Variants in PTPRD observed in about 807,000 individuals in gnomAD.
PTPRD encodes receptor-type tyrosine-protein phosphatase delta.
A neutral mutation model predicts 214.5 loss-of-function variants in PTPRD; 34 were observed. That is an observed-to-expected ratio of 0.16 (90% CI 0.12 to 0.21). The LOEUF (loss-of-function observed/expected upper bound fraction) is 0.21. Ranked by LOEUF, PTPRD falls within the 10% of genes least tolerant of loss-of-function variation. The pLI, the probability that PTPRD is intolerant of heterozygous loss-of-function variation, is 1.00. For missense variants in PTPRD, 2,545 were observed against 2,398.7 expected (o/e 1.06, Z -1.27); for synonymous variants, 1,128 against 845.7 (o/e 1.33, Z -5.79).
At chr9:8,566,254 G>A (rs747483942) in intron 14 of PTPRD, among the ~76,000 whole-genome samples, 8 of 151,882 alleles carry the variant, frequency 5.3e-5, no homozygotes, top group Admixed American at 4.6e-4. Context: ...TTGCTCTAGG[G>A]TTAGGTGTAT....
chr9:8,970,595 G>C (rs1327792789), intron 11 of PTPRD, among the ~76,000 whole-genome samples: 4 of 151,552 alleles, frequency 2.6e-5, no homozygotes, highest in Admixed American at 2.6e-4. Context: ...AAAAGACATA[G>C]AAGTGGAGAA....
chr9:9,030,162 T>G (rs1375245128), intron 10 of PTPRD, among the ~76,000 whole-genome samples: 1 of 151,800 alleles, frequency 6.6e-6, no homozygotes, highest in Non-Finnish European at 1.5e-5. Flanking sequence ...ATTTTATTAT[T>G]TAGCATCAAT....
intron 11 of PTPRD, among the ~76,000 whole-genome samples, chr9:8,886,103 A>T (rs1362306671): frequency 1.6e-4 from 24 of 152,204 alleles, no homozygotes; most frequent in Non-Finnish European, 8.8e-5. Context: ...TGTCTACAAG[A>T]CACCAACATC....
intron 2 of PTPRD, among the ~76,000 whole-genome samples, chr9:10,565,535 T>C (rs934533115): frequency 2.0e-5 from 3 of 152,106 alleles, no homozygotes; most frequent in African/African-American, 7.2e-5. Context: ...TAGGAGATTG[T>C]GTTTATAGTA....
At chr9:9,583,576 T>C (rs189078521) in intron 7 of PTPRD, among the ~76,000 whole-genome samples, 2 of 152,172 alleles carry the variant, frequency 1.3e-5, no homozygotes, top group East Asian at 3.9e-4. Context: ...TATAGATAAC[T>C]ACGCATTTAA....
At chr9:9,678,838 G>T (rs904890443) in intron 7 of PTPRD, among the ~76,000 whole-genome samples, 1 of 151,900 alleles carries the variant, frequency 6.6e-6, no homozygotes, top group Non-Finnish European at 1.5e-5. Flanking sequence ...ATTTTGTGAT[G>T]ATCAAGGGTA....
intron 12 of PTPRD, among the ~76,000 whole-genome samples, chr9:8,718,644 C>A (rs947634242): frequency 6.6e-6 from 1 of 151,982 alleles, no homozygotes; most frequent in Non-Finnish European, 1.5e-5. Context: ...CTAATTAGTC[C>A]GCCTTCTCTA....
intron 8 of PTPRD, among the ~76,000 whole-genome samples, chr9:9,411,256 TTG>T (rs1384715549): frequency 4.5e-5 from 3 of 66,578 alleles, no homozygotes; most frequent in African/African-American, 7.7e-5. Context: ...ATACATAGCA[TTG>T]TGTCTTTTTT....
intron 14 of PTPRD, among the ~76,000 whole-genome samples, chr9:8,591,595 A>G (rs187125654): frequency 5.5e-4 from 84 of 152,314 alleles, no homozygotes; most frequent in African/African-American, 1.8e-3. Context: ...GGAGGTGGAC[A>G]TTTTCCAAGT....
chr9:8,591,296 G>A (rs781574978), intron 14 of PTPRD, among the ~76,000 whole-genome samples: 3 of 152,006 alleles, frequency 2.0e-5, no homozygotes, highest in Non-Finnish European at 4.4e-5. Flanking sequence ...ATTTGGAGTG[G>A]GATGGTCAGG....
At chr9:8,989,816 C>T (rs2099359399) in intron 11 of PTPRD, among the ~76,000 whole-genome samples, 1 of 151,886 alleles carries the variant, frequency 6.6e-6, no homozygotes, top group Non-Finnish European at 1.5e-5. Flanking sequence ...AGGCACAGTG[C>T]CAGAAACCGT....
chr9:9,386,047 T>C (rs1345668540), intron 9 of PTPRD, among the ~76,000 whole-genome samples: 1 of 152,124 alleles, frequency 6.6e-6, no homozygotes, highest in East Asian at 1.9e-4. Flanking sequence ...AATACTTACC[T>C]AAGGGAAAAT....
intron 8 of PTPRD, among the ~76,000 whole-genome samples, chr9:9,559,738 T>C (rs1177405834): frequency 6.6e-6 from 1 of 152,172 alleles, no homozygotes; most frequent in Non-Finnish European, 1.5e-5. Context: ...GACAAGAAGT[T>C]CCAGTTCTGT....
intron 8 of PTPRD, among the ~76,000 whole-genome samples, chr9:9,551,695 T>C (rs2080292037): frequency 6.6e-6 from 1 of 152,018 alleles, no homozygotes; most frequent in African/African-American, 2.4e-5. Context: ...GGTGAATTAG[T>C]ACATGCCAGT....
intron 11 of PTPRD, among the ~76,000 whole-genome samples, chr9:8,825,087 G>C (rs2097149166): frequency 6.6e-6 from 1 of 152,242 alleles, no homozygotes; most frequent in East Asian, 1.9e-4. Context: ...CCTGCCATGA[G>C]TTTGTACCTT....
At chr9:9,562,817 T>C (rs1336890479) in intron 8 of PTPRD, among the ~76,000 whole-genome samples, 1 of 152,196 alleles carries the variant, frequency 6.6e-6, no homozygotes, top group Non-Finnish European at 1.5e-5. Context: ...CAACCTGTTC[T>C]ACTTTTTGTT....
intron 4 of PTPRD, among the ~76,000 whole-genome samples, chr9:9,992,634 G>C (rs998094804): frequency 1.3e-5 from 2 of 152,182 alleles, no homozygotes; most frequent in South Asian, 2.1e-4. Context: ...AAAAGGATGA[G>C]TTCATGTCCT....
intron 11 of PTPRD, among the ~76,000 whole-genome samples, chr9:8,864,083 GA>G (rs2098153493): frequency 6.6e-6 from 1 of 152,170 alleles, no homozygotes; most frequent in Non-Finnish European, 1.5e-5. Flanking sequence ...GCAAGAATGG[GA>G]AACACAATGG....
intron 9 of PTPRD, among the ~76,000 whole-genome samples, chr9:9,311,287 AAC>A (rs1182251488): frequency 1.3e-5 from 2 of 152,192 alleles, no homozygotes; most frequent in Non-Finnish European, 2.9e-5. Context: ...ACCCATGTCA[AAC>A]ACAAAATCAT....
Sources: gnomAD v4.1 joint callset for allele counts (sites outside exome capture counted in the v4.1 genomes callset) on GRCh38, gnomAD v4.1.1 for gene constraint, MANE v1.5 for transcripts, NCBI Gene and HGNC (gene_info 2026-07-23, HGNC 2026-07-21) for gene names.